The following SRCIN1 variants were observed in gnomAD, a reference collection of about 807,000 sequenced individuals.
SRCIN1 encodes the protein P130Cas-associated protein.
A neutral mutation model predicts 116.2 loss-of-function variants in SRCIN1; 50 were observed. The observed-to-expected ratio is 0.43, with a 90% CI of 0.34 to 0.54. SRCIN1 has a LOEUF of 0.54. SRCIN1 is among the 20% of genes least tolerant of loss of function. The pLI is 0.02. For missense variants in SRCIN1, 1,446 were observed against 1,672.0 expected (o/e 0.86, Z 2.36); for synonymous variants, 736 against 750.0 (o/e 0.98, Z 0.30).
At position 38,534,140 on chromosome 17, in the gene SRCIN1, G is replaced by C. The variant is rs897236759; in HGVS notation, c.3418-709C>G. On this transcript the variant is annotated intron_variant, in intron 18 of 18. Transcript: ENST00000617146. ...CCTGCCCTCACTGGTCAGTTCTAGT[G>C]GTCAGAACTGACCCCTCATCCTCCT... is the stretch of plus-strand genomic sequence containing the variant. 3.9e-5 allele frequency among the ~76,000 whole-genome samples: 6 copies of C among 152,270 alleles called. No homozygotes were observed. In the South Asian group the frequency reaches 1.0e-3, roughly 26 times the overall value.
chr17:38,574,613 T>A (rs1907291210), intron 2 of SRCIN1, among the ~76,000 whole-genome samples: 1 of 152,098 alleles, frequency 6.6e-6, no homozygotes, highest in South Asian at 2.1e-4. Flanking sequence ...ATACAAAAAC[T>A]TTTTTAAAAA....
At position 38,530,254 on chromosome 17, in the gene SRCIN1, T is replaced by A. The variant is rs2040901021; in HGVS notation, c.*3043A>T. ...CTACACCAACATGGGCCCTACAGGG[T>A]GGATGGGGCAGGGTGTGGAGCCGGG... On this transcript the variant is annotated 3_prime_UTR_variant, in exon 19 of 19. Transcript: ENST00000617146. The A allele has an allele frequency of 6.6e-6, 1 of 151,188 alleles. No individual in the cohort carries two copies. The highest frequency in any genetic ancestry group is 6.6e-5 in the Admixed American group (1 of 15,208). The allele number at this position is 151,188 out of a possible 1,614,324, so 9.4% of individuals were successfully genotyped here. A position where few individuals can be genotyped will look rare whatever the true frequency, so the allele number is the denominator to read the frequency against.
chr17:38,552,809 T>C lies in SRCIN1; in HGVS notation c.2248A>G (p.Asn750Asp). 1 of 1,613,936 alleles carries C rather than the reference T, an allele frequency of 6.2e-7. No individual in the cohort carries two copies. The highest frequency in any genetic ancestry group is 8.5e-7 in the Non-Finnish European group (1 of 1,179,868). The change falls in exon 12 of 19, where the codon AAC (asparagine) becomes GAC (aspartate). Residue 750 changes from asparagine (N) to aspartate (D), a missense_variant. Coordinates refer to ENST00000617146, the MANE Select transcript of SRCIN1 (RefSeq NM_025248.3). This position sits in a 1 kb window ranked among gnomAD's most constrained non-coding sequence, Gnocchi z 5.3. ...VEKIQRDVSH[N>D]HRLVPGPELE... ...TCAGGGCCGGGCACCAGCCGGTGGTTGTGGGACACGTCTCTCTGGATCTTC... is the reference window on the plus strand; with the variant it reads ...TCAGGGCCGGGCACCAGCCGGTGGTCGTGGGACACGTCTCTCTGGATCTTC...
At chr17:38,551,599 G>A (rs1353499396) in intron 14 of SRCIN1, 24 of 643,638 alleles carry the variant, frequency 3.7e-5, no homozygotes, top group Non-Finnish European at 5.9e-5. Flanking sequence ...TACTACATTC[G>A]TGATAAACTT....
chr17:38,533,833 G>A (rs1042925282), intron 18 of SRCIN1, among the ~76,000 whole-genome samples: 6 of 151,824 alleles, frequency 4.0e-5, no homozygotes, highest in South Asian at 4.2e-4. Context: ...TGCGGGGGAC[G>A]GGGGTCAGGG....
Position 38,551,188 on chromosome 17 carries a change from G to A in SRCIN1, c.2929C>T (p.Pro977Ser), listed in dbSNP as rs762588602. The part of the protein sequence containing the change: ...PKAPHGQKAA[P>S]RTEPSGRRGS... ...CTCCTCCCACTGGGCTCCGTTCGGGGGGCTGCCTTCTGGCCGTGGGGGGCC... is the reference window on the plus strand; with the variant it reads ...CTCCTCCCACTGGGCTCCGTTCGGGAGGCTGCCTTCTGGCCGTGGGGGGCC... The change falls in exon 15 of 19, where the codon CCC becomes TCC. Residue 977 changes from proline (P) to serine (S), a missense_variant. Physicochemically the swap from Pro to Ser is moderately conservative, Grantham distance 74. This residue lies in a region of SRCIN1 where 531 missense variants were observed against 633.9 expected (regional missense o/e 0.84). Transcript: ENST00000617146. The A allele has an allele frequency of 1.1e-5, 17 of 1,587,566 alleles. No individual in the cohort carries two copies. Among genetic ancestry groups the A allele is most frequent in the Non-Finnish European group, 8.6e-7 (1 of 1,163,354 alleles).
intron 1 of SRCIN1, among the ~76,000 whole-genome samples, chr17:38,590,776 C>T (rs1908397875): frequency 6.6e-6 from 1 of 152,188 alleles, no homozygotes; most frequent in African/African-American, 2.4e-5. Context: ...CTTTCCCCTA[C>T]ACTCTGTTGC....
At position 38,543,918 on chromosome 17, in the gene SRCIN1, G is replaced by T. The variant is rs769877165; in HGVS notation, c.3322C>A (p.Arg1108=). The change falls in exon 18 of 19, where the codon CGG becomes AGG. Residue 1108 remains arginine (R), a synonymous_variant. Coordinates refer to ENST00000617146, the MANE Select transcript of SRCIN1 (RefSeq NM_025248.3). ...GCCTGGCCCTGGGCCGCCTTCAGCC[G>T]AGAGGCCCCCGGAGTCACCACCTTC... ...PMKVVTPGAS[R]LKAAQGQAGS... 6.2e-7 allele frequency: 1 copy of T among 1,602,672 alleles called. No homozygotes were observed. Among genetic ancestry groups the T allele is most frequent in the African/African-American group, 1.3e-5 (1 of 74,978 alleles).
At position 38,585,404 on chromosome 17, in the gene SRCIN1, G is replaced by T. The variant is rs888313917; in HGVS notation, c.23-6613C>A. Among the ~76,000 whole-genome samples, 1 of 152,246 alleles carries T rather than the reference G, an allele frequency of 6.6e-6. No homozygotes were observed. The highest frequency in any genetic ancestry group is 2.4e-5 in the African/African-American group (1 of 41,462). ...GCATGATGACTCCATCCTGCTGGGT[G>T]CCTGCTGCAGTCGGGAAGCACACGG... On this transcript the variant is annotated intron_variant, in intron 1 of 18. Transcript: ENST00000617146. The surrounding 1 kb of genome is among the most constrained non-coding windows in gnomAD (Gnocchi z 4.2).
chr17:38,579,332 G>A (rs1371865888), intron 1 of SRCIN1, among the ~76,000 whole-genome samples: 4 of 152,212 alleles, frequency 2.6e-5, no homozygotes, highest in South Asian at 2.1e-4. Flanking sequence ...GCTGGGCGCC[G>A]GCTGGGAAAA....
At chr17:38,535,079 C>T (rs993483354) in intron 18 of SRCIN1, among the ~76,000 whole-genome samples, 1 of 152,130 alleles carries the variant, frequency 6.6e-6, no homozygotes, top group African/African-American at 2.4e-5. Flanking sequence ...TGGCAGTGAG[C>T]CATGACTGCA....
chr17:38,557,447 T>C (rs1905881264), intron 11 of SRCIN1, among the ~76,000 whole-genome samples: 1 of 152,240 alleles, frequency 6.6e-6, no homozygotes, highest in African/African-American at 2.4e-5. Flanking sequence ...TAGTGCCCTG[T>C]GTCACCAAGA....
rs572467990 is a variant in SRCIN1 at position 38,561,896 on chromosome 17, C to T, written c.1267G>A (p.Ala423Thr). 44 of 1,444,044 alleles carry T rather than the reference C, an allele frequency of 3.0e-5. No individual in the cohort carries two copies. In the African/African-American group the frequency reaches 6.1e-4, roughly 20 times the overall value. The allele number at this position is 1,444,044 out of a possible 1,614,324, so 89.5% of individuals were successfully genotyped here. A position where few individuals can be genotyped will look rare whatever the true frequency, so the allele number is the denominator to read the frequency against. The change falls in exon 7 of 19, where the codon GCC becomes ACC. Residue 423 changes from alanine (A) to threonine (T), a missense_variant. Ala to Thr is a moderately conservative substitution (Grantham distance 58). Around this residue, in one of 5 missense-constraint regions of SRCIN1, gnomAD observed 239 missense variants for 317.7 expected, o/e 0.75. Transcript: ENST00000617146. Reference sequence around the variant, plus strand: ...GAGCCGCGCTTGTAGAGGCCGCCGGCGCCCGGGTAGGCGAACGGGTCGCCG... The same window carrying T: ...GAGCCGCGCTTGTAGAGGCCGCCGGTGCCCGGGTAGGCGAACGGGTCGCCG... ...AAGDPFAYPG[A>T]GGLYKRGSVR...
intron 17 of SRCIN1, chr17:38,547,764 G>A (rs1905152237): frequency 1.3e-5 from 4 of 315,298 alleles, no homozygotes; most frequent in South Asian, 6.9e-5. Context: ...GTTACCTTCC[G>A]TGTAGGGCCT....
chr17:38,548,459 C>T, intron 17 of SRCIN1, 98 bp downstream of exon 17: 1 of 1,468,598 alleles, frequency 6.8e-7, no homozygotes. Flanking sequence ...AGCCCGAGAG[C>T]CCATCTTCTG....
At chr17:38,578,866 C>T in intron 1 of SRCIN1, 75 bp from the exon 2 acceptor site, 1 of 1,417,598 alleles carries the variant, frequency 7.1e-7, no homozygotes, top group Non-Finnish European at 9.2e-7. Context: ...AAGGGGGTCC[C>T]TGCGGGAAGG....
At position 38,604,419 on chromosome 17, in the gene SRCIN1, C is replaced by T. The variant is rs988744467; in HGVS notation, c.22+1265G>A. ...GCTGCAGGACCTCCTTGTCCCACAA[C>T]ATTTGAGGAGGGGGGCTGGGAAGAT... On this transcript the variant is annotated intron_variant, in intron 1 of 18. Coordinates refer to ENST00000617146, the MANE Select transcript of SRCIN1 (RefSeq NM_025248.3). This position sits in a 1 kb window ranked among gnomAD's most constrained non-coding sequence, Gnocchi z 4.3. 5 of 411,926 alleles carry T rather than the reference C, an allele frequency of 1.2e-5. No individual in the cohort carries two copies. The highest frequency in any genetic ancestry group is 2.7e-5 in the Admixed American group (1 of 36,430). 25.5% of individuals were successfully genotyped at this position (411,926 alleles called of 1,614,324 possible).
Position 38,561,606 on chromosome 17 carries a change from A to G in SRCIN1, c.1557T>C (p.Phe519=). The G allele has an allele frequency of 6.3e-7, 1 of 1,592,672 alleles. No homozygotes were observed. Among genetic ancestry groups the G allele is most frequent in the Non-Finnish European group, 8.5e-7 (1 of 1,170,054 alleles). The part of the protein sequence containing the change: ...FRKDSGSSSV[F]AESPGGKTRS... Reference sequence around the variant, plus strand: ...GGGTCTTCCCTCCAGGACTCTCGGCAAAGACGGACGAGGAGCCCGAGTCCT... The same window carrying G: ...GGGTCTTCCCTCCAGGACTCTCGGCGAAGACGGACGAGGAGCCCGAGTCCT... Residue 519 remains phenylalanine (F), a synonymous_variant, in exon 7 of 19, where the codon TTT becomes TTC. Coordinates refer to ENST00000617146, the MANE Select transcript of SRCIN1 (RefSeq NM_025248.3).
chr17:38,558,292 G>A lies in SRCIN1; in HGVS notation c.2136C>T (p.Arg712=), dbSNP rs145161911. ...RRQEDPLQRQ[R]TLVEEERLRY... ...GCAGCCGTTCCTCTTCCACCAGGGT[G>A]CGCTGCCGCTGCAGCGGGTCCTCCT... Residue 712 remains arginine, a synonymous_variant, in exon 11 of 19, where the codon CGC becomes CGT. Transcript: ENST00000617146. The surrounding 1 kb of genome is among the most constrained non-coding windows in gnomAD (Gnocchi z 4.6). 4,900 of 1,612,078 alleles carry A rather than the reference G, an allele frequency of 3.0e-3. 130 individuals carry two copies. In the African/African-American group the frequency reaches 0.055, roughly 18 times the overall value.
Sources: allele counts gnomAD v4.1 joint callset (sites outside exome capture counted in the v4.1 genomes callset), GRCh38; gene constraint gnomAD v4.1.1; regional missense constraint gnomAD v4.1.1; non-coding constraint Gnocchi (gnomAD v3.1); transcripts MANE v1.5; gene names NCBI Gene and HGNC (gene_info 2026-07-23, HGNC 2026-07-21).